The following NRXN3 variants were observed in gnomAD, a reference collection of about 807,000 sequenced individuals.
NRXN3 encodes the protein neurexin 3.
In NRXN3, 32 loss-of-function variants were observed where a neutral mutation model predicts 137.6. The ratio of observed to expected loss-of-function variants is 0.23; its 90% CI spans 0.18 to 0.31. The LOEUF is 0.31. Among genes scored for constraint, NRXN3 ranks in the 10% least tolerant of loss-of-function variants. The probability of loss-of-function intolerance (pLI) is 1.00; values close to 1 mark genes in which losing one functional copy is unlikely to be tolerated. For missense variants in NRXN3, 1,574 were observed against 2,062.5 expected (o/e 0.76, Z 4.59); for synonymous variants, 798 against 784.5 (o/e 1.02, Z -0.29).
intron 15 of NRXN3, among the ~76,000 whole-genome samples, chr14:79,040,799 G>A (rs770026248): frequency 7.9e-5 from 12 of 152,124 alleles, no homozygotes; most frequent in Non-Finnish European, 4.4e-5. Flanking sequence ...CTCCTAATGC[G>A]CATGTGGGCT....
At chr14:79,284,384 A>ATATATATATATG (rs2081895234) in intron 15 of NRXN3, among the ~76,000 whole-genome samples, 1 of 114,288 alleles carries the variant, frequency 8.7e-6, no homozygotes, top group Admixed American at 8.2e-5. Context: ...ATATATATAT[A>ATATATATATATG]TGTATCTCCA....
intron 15 of NRXN3, among the ~76,000 whole-genome samples, chr14:79,269,276 C>G (rs557888485): frequency 2.6e-4 from 40 of 152,086 alleles, no homozygotes; most frequent in Admixed American, 3.3e-4. Flanking sequence ...GTCTCGATCT[C>G]CTGACCTTGT....
At chr14:79,127,209 G>A (rs1373537898) in intron 15 of NRXN3, among the ~76,000 whole-genome samples, 1 of 152,058 alleles carries the variant, frequency 6.6e-6, no homozygotes, top group African/African-American at 2.4e-5. Flanking sequence ...TTTGGCTTTG[G>A]TTGCCATTGC....
intron 4 of NRXN3, among the ~76,000 whole-genome samples, chr14:78,622,492 G>C (rs991111913): frequency 1.3e-5 from 2 of 152,090 alleles, no homozygotes; most frequent in Admixed American, 1.3e-4. Context: ...TTGGGGTCTG[G>C]GGATCCATCA....
chr14:79,550,136 A>AT (rs1180982987), intron 16 of NRXN3, among the ~76,000 whole-genome samples: 5 of 151,616 alleles, frequency 3.3e-5, no homozygotes, highest in Admixed American at 2.0e-4. Context: ...CACCAAGCTA[A>AT]TTTTTTTATT....
chr14:79,691,887 C>CAG (rs1170195756), intron 17 of NRXN3, among the ~76,000 whole-genome samples: 1 of 151,978 alleles, frequency 6.6e-6, no homozygotes, highest in African/African-American at 2.4e-5. Context: ...TGAGATGAGA[C>CAG]AGAGAGAGAG....
At chr14:78,522,714 C>A (rs1381147550) in intron 4 of NRXN3, among the ~76,000 whole-genome samples, 1 of 152,096 alleles carries the variant, frequency 6.6e-6, no homozygotes, top group African/African-American at 2.4e-5. Context: ...CTGTCCACAG[C>A]TATTTATTTT....
chr14:79,415,700 A>G (rs1296891996), intron 15 of NRXN3, among the ~76,000 whole-genome samples: 1 of 152,134 alleles, frequency 6.6e-6, no homozygotes, highest in East Asian at 1.9e-4. Context: ...ATATCTGTAC[A>G]TTCATGTAAC....
intron 8 of NRXN3, among the ~76,000 whole-genome samples, chr14:78,782,631 C>G (rs2098774066): frequency 6.6e-6 from 1 of 152,212 alleles, no homozygotes; most frequent in South Asian, 2.1e-4. Context: ...TGCGTTGTCT[C>G]TCTCATTTGT....
intron 15 of NRXN3, among the ~76,000 whole-genome samples, chr14:79,121,933 AT>A (rs1346518159): frequency 6.6e-6 from 1 of 152,182 alleles, no homozygotes; most frequent in Non-Finnish European, 1.5e-5. Context: ...TACATTTAGT[AT>A]TTTTTTGTTT....
chr14:78,457,240 T>C (rs1199846108), intron 4 of NRXN3, among the ~76,000 whole-genome samples: 6 of 152,286 alleles, frequency 3.9e-5, no homozygotes. Context: ...GGTTTTGCCA[T>C]GTTGGCCAGG....
At chr14:78,559,230 C>T (rs1482699985) in intron 4 of NRXN3, among the ~76,000 whole-genome samples, 1 of 152,148 alleles carries the variant, frequency 6.6e-6, no homozygotes, top group African/African-American at 2.4e-5. Context: ...AGATATGTAA[C>T]ATGCTTTTCT....
chr14:78,276,901 CCAT>C (rs2073679159), intron 2 of NRXN3, among the ~76,000 whole-genome samples: 1 of 152,182 alleles, frequency 6.6e-6, no homozygotes, highest in Non-Finnish European at 1.5e-5. Flanking sequence ...TCCAGGCAAT[CCAT>C]CAGTAACAGT....
At chr14:79,231,540 G>A (rs1333511326) in intron 15 of NRXN3, among the ~76,000 whole-genome samples, 2 of 152,166 alleles carry the variant, frequency 1.3e-5, no homozygotes, top group East Asian at 3.9e-4. Flanking sequence ...CTGTCAGATA[G>A]ATGGAGGATG....
Position 79,398,902 on chromosome 14 carries a change from C to T in NRXN3, c.3263-68319C>T, listed in dbSNP as rs983803826. Among the ~76,000 whole-genome samples, 15 of 147,772 alleles carry T rather than the reference C, an allele frequency of 1.0e-4. No individual in the cohort carries two copies. The East Asian group carries it at 1.2e-3, about 12-fold the overall frequency. On this transcript the variant is annotated intron_variant, in intron 15 of 20. Transcript: ENST00000335750. Reference sequence around the variant, plus strand: ...GTACATGCCTGTAGTCCCAGCTACTCGGTACACTGAGGCAGGAGAATCACT... The same window carrying T: ...GTACATGCCTGTAGTCCCAGCTACTTGGTACACTGAGGCAGGAGAATCACT...
At chr14:78,618,524 G>A (rs143041392) in intron 4 of NRXN3, among the ~76,000 whole-genome samples, 91 of 152,256 alleles carry the variant, frequency 6.0e-4, no homozygotes, top group African/African-American at 6.7e-4. Flanking sequence ...TACATGCAGC[G>A]CAGTCACCGT....
At chr14:79,823,906 A>G (rs750006821) in intron 20 of NRXN3, 1 of 451,496 alleles carries the variant, frequency 2.2e-6, no homozygotes, top group Non-Finnish European at 4.5e-6. Context: ...TCAAGTGACA[A>G]ATTGTCCATG....
chr14:79,391,323 C>T (rs2153473338), intron 15 of NRXN3, among the ~76,000 whole-genome samples: 1 of 152,276 alleles, frequency 6.6e-6, no homozygotes, highest in African/African-American at 2.4e-5. Context: ...ATTCTGTACT[C>T]CAGGCACAGT....
At chr14:78,411,861 G>A (rs187100019) in intron 4 of NRXN3, among the ~76,000 whole-genome samples, 9 of 152,314 alleles carry the variant, frequency 5.9e-5, no homozygotes, top group African/African-American at 2.2e-4. Flanking sequence ...CATTGGATGA[G>A]AGGCTGAATT....
Sources: gnomAD v4.1 joint callset for allele counts (sites outside exome capture counted in the v4.1 genomes callset) on GRCh38, gnomAD v4.1.1 for gene constraint, MANE v1.5 for transcripts, NCBI Gene and HGNC (gene_info 2026-07-23, HGNC 2026-07-21) for gene names.